The following RORA variants were observed in gnomAD, a reference collection of about 807,000 sequenced individuals.
RORA encodes the protein RAR related orphan receptor A.
A neutral mutation model predicts 69.5 loss-of-function variants in RORA; 7 were observed. The ratio of observed to expected loss-of-function variants is 0.10; its 90% CI spans 0.06 to 0.19. RORA has a LOEUF of 0.19. Among genes scored for constraint, RORA ranks in the 10% least tolerant of loss-of-function variants. RORA has a pLI of 1.00. For synonymous variants in RORA, 261 were observed against 240.8 expected (o/e 1.08, Z -0.78); for missense variants, 457 against 663.0 (o/e 0.69, Z 3.41).
chr15:60,524,217 T>C (rs2066271056), intron 3 of RORA, among the ~76,000 whole-genome samples: 1 of 152,242 alleles, frequency 6.6e-6, no homozygotes, highest in African/African-American at 2.4e-5. Context: ...TCCATGTCTT[T>C]CACTTCTTGA....
At chr15:61,170,616 T>C (rs547558656) in intron 1 of RORA, among the ~76,000 whole-genome samples, 1 of 152,344 alleles carries the variant, frequency 6.6e-6, no homozygotes, top group East Asian at 1.9e-4. Context: ...CTGCCATACT[T>C]CTCTCATAAA....
At chr15:61,153,846 A>T (rs894700881) in intron 1 of RORA, among the ~76,000 whole-genome samples, 1 of 152,190 alleles carries the variant, frequency 6.6e-6, no homozygotes, top group Non-Finnish European at 1.5e-5. Context: ...AATGACATGG[A>T]GGCCCAGGCC....
At chr15:60,955,950 G>T (rs1231926631) in intron 1 of RORA, among the ~76,000 whole-genome samples, 2 of 152,182 alleles carry the variant, frequency 1.3e-5, no homozygotes, top group East Asian at 3.8e-4. Context: ...TTTTGAGCAG[G>T]ATGGTATATT....
intron 1 of RORA, among the ~76,000 whole-genome samples, chr15:60,832,891 T>C (rs2073062236): frequency 6.6e-6 from 1 of 152,140 alleles, no homozygotes; most frequent in African/African-American, 2.4e-5. Flanking sequence ...TAACCTTCTG[T>C]TCCATCCCAA....
rs576649036 is a variant in RORA, at chr15:60,700,766, C to T, written c.167-22080G>A. 2.6e-5 allele frequency among the ~76,000 whole-genome samples: 4 copies of T among 152,274 alleles called. No individual in the cohort carries two copies. The East Asian group carries it at 7.7e-4, about 29-fold the overall frequency. On this transcript the variant is annotated intron_variant, in intron 1 of 10. Coordinates refer to ENST00000335670, the MANE Select transcript of RORA (RefSeq NM_134261.3). ...TTTTCTGTTCCTTCTTCTAGGGATGCTCTTTCCTTTTTCTTGACTGAGCTA... is the reference window on the plus strand; with the variant it reads ...TTTTCTGTTCCTTCTTCTAGGGATGTTCTTTCCTTTTTCTTGACTGAGCTA...
chr15:60,527,663 A>G (rs2066404538), intron 3 of RORA, among the ~76,000 whole-genome samples: 1 of 152,248 alleles, frequency 6.6e-6, no homozygotes, highest in African/African-American at 2.4e-5. Flanking sequence ...TTCAGGCTGA[A>G]GCAGTGCCAA....
chr15:60,616,725 T>C (rs1446101151), intron 2 of RORA, among the ~76,000 whole-genome samples: 1 of 152,264 alleles, frequency 6.6e-6, no homozygotes, highest in African/African-American at 2.4e-5. Flanking sequence ...CTGAGTAATC[T>C]TGTGCGTTGC....
rs1893395608 is a variant in RORA at position 60,960,753 on chromosome 15, T to C, written c.166+268300A>G. Reference sequence around the variant, plus strand: ...CAAAGGCTGGCTTCACTTGATCGCCTCTGGATTTTAACACATTCGCTTCAC... The same window carrying C: ...CAAAGGCTGGCTTCACTTGATCGCCCCTGGATTTTAACACATTCGCTTCAC... On this transcript the variant is annotated intron_variant, in intron 1 of 10. Transcript: ENST00000335670. 2.0e-5 allele frequency among the ~76,000 whole-genome samples: 3 copies of C among 151,974 alleles called. No individual in the cohort carries two copies. The South Asian group carries it at 6.2e-4, about 32-fold the overall frequency.
chr15:60,589,264 A>T (rs181434877), intron 2 of RORA, among the ~76,000 whole-genome samples: 5 of 152,372 alleles, frequency 3.3e-5, no homozygotes, highest in Non-Finnish European at 7.3e-5. Context: ...ACAGTTGGAC[A>T]TACTACCAAC....
chr15:60,500,978 T>C lies in RORA; in HGVS notation c.1275A>G (p.Ala425=), dbSNP rs780518456. 4 of 1,591,790 alleles carry C rather than the reference T, an allele frequency of 2.5e-6. No homozygotes were observed. The Admixed American group carries it at 5.0e-5, about 20-fold the overall frequency. The change falls in exon 9 of 11, where the codon GCA becomes GCG. Residue 425 remains alanine, a synonymous_variant. Coordinates refer to ENST00000335670, the MANE Select transcript of RORA (RefSeq NM_134261.3). ...LTEDEIALFS[A]FVLMSADRSW... is the part of the protein sequence containing the mutation. The stretch of plus-strand genomic sequence containing the variant: ...TCTTACCTGCTGACATCAGTACAAA[T>C]GCAGAAAATAATGCAATTTCATCTT...
chr15:61,076,291 C>T (rs1021479321), intron 1 of RORA, among the ~76,000 whole-genome samples: 1 of 152,028 alleles, frequency 6.6e-6, no homozygotes, highest in Non-Finnish European at 1.5e-5. Context: ...GGACCACACT[C>T]GGCGATCCAC....
chr15:60,713,455 A>C (rs945945779), intron 1 of RORA, among the ~76,000 whole-genome samples: 2 of 152,190 alleles, frequency 1.3e-5, no homozygotes, highest in Non-Finnish European at 2.9e-5. Context: ...GAGAACACTG[A>C]ATGGATATTT....
intron 1 of RORA, among the ~76,000 whole-genome samples, chr15:60,731,727 C>T (rs2071430857): frequency 6.6e-6 from 1 of 152,212 alleles, no homozygotes; most frequent in Non-Finnish European, 1.5e-5. Context: ...CTTGGTACTC[C>T]AGGCAGCCAC....
chr15:60,705,699 C>A (rs780732219), intron 1 of RORA, among the ~76,000 whole-genome samples: 2 of 152,054 alleles, frequency 1.3e-5, no homozygotes, highest in Non-Finnish European at 1.5e-5. Context: ...ACCAACCAAC[C>A]AACTGACATT....
intron 2 of RORA, among the ~76,000 whole-genome samples, chr15:60,676,444 C>T (rs535960042): frequency 1.3e-5 from 2 of 152,278 alleles, no homozygotes; most frequent in East Asian, 1.9e-4. Context: ...GTCATTCGGC[C>T]ATTTTTTATT....
chr15:61,145,416 G>A (rs1255353847), intron 1 of RORA, among the ~76,000 whole-genome samples: 3 of 152,214 alleles, frequency 2.0e-5, no homozygotes, highest in African/African-American at 7.2e-5. Context: ...AACTGAATGT[G>A]GGGGAGTCCA....
chr15:60,723,381 C>T lies in RORA; in HGVS notation c.167-44695G>A, dbSNP rs568926129. Among the ~76,000 whole-genome samples the T allele has an allele frequency of 1.5e-3, 230 of 149,708 alleles. 2 individuals are homozygous for T. Among genetic ancestry groups the T allele is most frequent in the African/African-American group, 5.4e-3 (220 of 40,810 alleles). On this transcript the variant is annotated intron_variant, in intron 1 of 10. Coordinates refer to ENST00000335670, the MANE Select transcript of RORA (RefSeq NM_134261.3). The stretch of plus-strand genomic sequence containing the variant: ...ATGTGATCCTATCAAAACCATTCCC[C>T]CCCCCACTCACATAAAATGGCCATG...
rs185866709 is a variant in RORA at position 60,957,197 on chromosome 15, G to A, written c.166+271856C>T. ...GATAAGTAACTGTATTAGAATATGC[G>A]TTCAAGTAAGGTATTATTACAATGC... On this transcript the variant is annotated intron_variant, in intron 1 of 10. Transcript: ENST00000335670. Among the ~76,000 whole-genome samples the A allele has an allele frequency of 2.1e-3, 325 of 152,312 alleles. 1 individual carries two copies. Among genetic ancestry groups the A allele is most frequent in the East Asian group, 6.0e-3 (31 of 5,188 alleles).
chr15:60,947,228 G>C (rs1213769846), intron 1 of RORA, among the ~76,000 whole-genome samples: 3 of 152,232 alleles, frequency 2.0e-5, no homozygotes, highest in Non-Finnish European at 2.9e-5. Context: ...CCATGATGAC[G>C]ATGGCGGTTT....
Sources: gnomAD v4.1 joint callset for allele counts (sites outside exome capture counted in the v4.1 genomes callset) on GRCh38, gnomAD v4.1.1 for gene constraint, MANE v1.5 for transcripts, NCBI Gene and HGNC (gene_info 2026-07-23, HGNC 2026-07-21) for gene names.